Variants in PLXDC2 observed in about 807,000 individuals in gnomAD.
PLXDC2 encodes the protein plexin domain containing 2.
Under a neutral mutation model 68.9 loss-of-function variants are expected in PLXDC2, and 40 were observed. The observed-to-expected ratio is 0.58, with a 90% confidence interval of 0.45 to 0.76. The LOEUF (loss-of-function observed/expected upper bound fraction) is 0.76, where lower values mean the gene tolerates loss of function less well. Ranked by LOEUF, PLXDC2 falls within the 30% of genes least tolerant of loss-of-function variation. The probability of loss-of-function intolerance (pLI) is 0.00; values close to 1 mark genes in which losing one functional copy is unlikely to be tolerated. For missense variants in PLXDC2, 644 were observed against 661.9 expected (o/e 0.97, Z 0.30); for synonymous variants, 243 against 234.2 (o/e 1.04, Z -0.34).
intron 9 of PLXDC2, among the ~76,000 whole-genome samples, chr10:20,189,276 A>G (rs1179683239): frequency 6.6e-6 from 1 of 150,970 alleles, no homozygotes; most frequent in African/African-American, 2.4e-5. Flanking sequence ...TGCTTTTGAA[A>G]AAAATACATA....
chr10:20,084,784 T>C (rs1024574681), intron 4 of PLXDC2, among the ~76,000 whole-genome samples: 4 of 151,530 alleles, frequency 2.6e-5, no homozygotes, highest in Non-Finnish European at 5.9e-5. Flanking sequence ...GATAGGACAG[T>C]CACAAATTTC....
intron 1 of PLXDC2, among the ~76,000 whole-genome samples, chr10:19,846,168 A>G (rs1837005740): frequency 6.6e-6 from 1 of 152,142 alleles, no homozygotes; most frequent in South Asian, 2.1e-4. Flanking sequence ...CATGGCAACC[A>G]CCCTAAAGAA....
At chr10:20,275,814 G>A (rs1267629190) in intron 13 of PLXDC2, among the ~76,000 whole-genome samples, 2 of 152,150 alleles carry the variant, frequency 1.3e-5, no homozygotes, top group Non-Finnish European at 2.9e-5. Flanking sequence ...TCAGGAGGCT[G>A]AGATGTGAGA....
intron 1 of PLXDC2, among the ~76,000 whole-genome samples, chr10:19,927,456 CT>C (rs1272622724): frequency 3.3e-5 from 5 of 151,974 alleles, no homozygotes. Context: ...AATCCCAGCA[CT>C]TTTGGAGGCC....
At chr10:20,095,649 T>G (rs1810686121) in intron 4 of PLXDC2, among the ~76,000 whole-genome samples, 1 of 152,090 alleles carries the variant, frequency 6.6e-6, no homozygotes, top group Non-Finnish European at 1.5e-5. Flanking sequence ...GAAGATAGAA[T>G]TACTAAAAAT....
intron 1 of PLXDC2, among the ~76,000 whole-genome samples, chr10:19,913,521 A>G (rs949400247): frequency 1.3e-5 from 2 of 152,174 alleles, no homozygotes; most frequent in Admixed American, 1.3e-4. Context: ...TCAAACTTAG[A>G]TGTTTCAAAT....
At chr10:20,225,050 C>G (rs1370475984) in intron 12 of PLXDC2, among the ~76,000 whole-genome samples, 1 of 152,116 alleles carries the variant, frequency 6.6e-6, no homozygotes, top group Non-Finnish European at 1.5e-5. Flanking sequence ...TACAGAGGTA[C>G]AAATCTGCAA....
At chr10:20,180,635 C>T (rs924266704) in intron 9 of PLXDC2, among the ~76,000 whole-genome samples, 1 of 152,012 alleles carries the variant, frequency 6.6e-6, no homozygotes, top group African/African-American at 2.4e-5. Flanking sequence ...GTGGTAATTA[C>T]TGAACTCTCA....
intron 1 of PLXDC2, among the ~76,000 whole-genome samples, chr10:19,817,699 A>G (rs945466543): frequency 6.6e-6 from 1 of 152,100 alleles, no homozygotes; most frequent in Non-Finnish European, 1.5e-5. Flanking sequence ...AGCTCCGTCT[A>G]GTGACCTGGG....
intron 1 of PLXDC2, among the ~76,000 whole-genome samples, chr10:19,951,261 C>T (rs1377384938): frequency 1.3e-5 from 2 of 152,036 alleles, no homozygotes; most frequent in African/African-American, 4.8e-5. Context: ...TGTCTAATAT[C>T]CAAAAATCTA....
rs192734149 is a variant in PLXDC2, at chr10:19,852,325, A to G, written c.112+35134A>G. Among the ~76,000 whole-genome samples the G allele has an allele frequency of 2.7e-3, 404 of 148,678 alleles. 5 individuals are homozygous for G. The highest frequency in any genetic ancestry group is 9.5e-3 in the African/African-American group (383 of 40,446). On this transcript the variant is annotated intron_variant, in intron 1 of 13. Transcript: ENST00000377252. ...TCCCTTGAGCCTAGGAGGTTGTGGT[A>G]CCAGGTAGGAGGATCCCTTAAGCCC...
chr10:20,191,166 A>T (rs1293120100), intron 9 of PLXDC2, among the ~76,000 whole-genome samples: 1 of 151,986 alleles, frequency 6.6e-6, no homozygotes, highest in Non-Finnish European at 1.5e-5. Flanking sequence ...AGGTAAAGAT[A>T]ATTTAGCATA....
At chr10:19,973,539 T>TA (rs1834397188) in intron 1 of PLXDC2, among the ~76,000 whole-genome samples, 1 of 152,138 alleles carries the variant, frequency 6.6e-6, no homozygotes, top group South Asian at 2.1e-4. Context: ...ATTTAGAAGT[T>TA]AAAATCTGTA....
intron 1 of PLXDC2, among the ~76,000 whole-genome samples, chr10:19,893,721 A>G (rs1221064667): frequency 6.6e-6 from 1 of 152,260 alleles, no homozygotes; most frequent in African/African-American, 2.4e-5. Flanking sequence ...AAGTTATTGT[A>G]AGTGAAATTC....
chr10:19,966,910 A>G (rs1297752143), intron 1 of PLXDC2, among the ~76,000 whole-genome samples: 1 of 152,146 alleles, frequency 6.6e-6, no homozygotes, highest in Non-Finnish European at 1.5e-5. Context: ...TAGCAGTGTG[A>G]TTATCACAGC....
rs77617553 is a variant in PLXDC2 at position 20,235,013 on chromosome 10, C to A, written c.1313-10332C>A. Among the ~76,000 whole-genome samples the A allele has an allele frequency of 2.0e-5, 3 of 152,228 alleles. No homozygotes were observed. In the South Asian group the frequency reaches 6.2e-4, roughly 32 times the overall value. On this transcript the variant is annotated intron_variant, in intron 12 of 13. Coordinates refer to ENST00000377252, the MANE Select transcript of PLXDC2 (RefSeq NM_032812.9). Reference sequence around the variant, plus strand: ...CAAAGAAGCTGCTTACAGATAACTGCGGAAGGGTTGATCTTATTTAGATAG... The same window carrying A: ...CAAAGAAGCTGCTTACAGATAACTGAGGAAGGGTTGATCTTATTTAGATAG...
intron 4 of PLXDC2, among the ~76,000 whole-genome samples, chr10:20,112,735 G>A (rs527681211): frequency 2.1e-4 from 32 of 152,172 alleles, no homozygotes; most frequent in South Asian, 8.3e-4. Context: ...TAGTTTATTC[G>A]AAAGATAAGA....
At chr10:20,047,575 C>CT (rs1030602936) in intron 3 of PLXDC2, among the ~76,000 whole-genome samples, 41 of 152,082 alleles carry the variant, frequency 2.7e-4, no homozygotes, top group Admixed American at 2.6e-4. Context: ...CTAAGTGTGT[C>CT]TCCTGAAATA....
At chr10:20,096,575 C>T (rs1833352516) in intron 4 of PLXDC2, among the ~76,000 whole-genome samples, 1 of 151,994 alleles carries the variant, frequency 6.6e-6, no homozygotes, top group African/African-American at 2.4e-5. Context: ...AGGACAAGTA[C>T]TCAGATTTTA....
Sources: gnomAD v4.1 joint callset for allele counts (sites outside exome capture counted in the v4.1 genomes callset) on GRCh38, gnomAD v4.1.1 for gene constraint, MANE v1.5 for transcripts, NCBI Gene and HGNC (gene_info 2026-07-23, HGNC 2026-07-21) for gene names.